Variants in CARNMT1 observed in about 807,000 individuals in gnomAD.
The protein encoded by CARNMT1 is carnosine N-methyltransferase 1, also known as protein-L-histidine N-pros-methyltransferase CARNMT1.
In CARNMT1, 28 loss-of-function variants were observed where a neutral mutation model predicts 49.6. The ratio of observed to expected loss-of-function variants is 0.56; its 90% CI spans 0.42 to 0.77. CARNMT1 has a LOEUF of 0.77. Ranked by LOEUF, CARNMT1 falls within the 30% of genes least tolerant of loss-of-function variation. CARNMT1 has a pLI of 0.00. For synonymous variants in CARNMT1, 178 were observed against 175.0 expected (o/e 1.02, Z -0.13); for missense variants, 421 against 512.6 (o/e 0.82, Z 1.73).
chr9:75,009,764 C>G (rs1277723032), intron 3 of CARNMT1: 1 of 151,162 alleles, frequency 6.6e-6, no homozygotes, highest in South Asian at 2.1e-4. Context: ...ACTTTATTGT[C>G]TACTATTCCT....
rs1262676052 is a variant in CARNMT1 at position 75,028,253 on chromosome 9, C to A, written c.-12G>T. The A allele has an allele frequency of 7.3e-7, 1 of 1,368,972 alleles. No homozygotes were observed. Among genetic ancestry groups the A allele is most frequent in the Non-Finnish European group, 9.4e-7 (1 of 1,064,970 alleles). The allele number at this position is 1,368,972 out of a possible 1,614,324, so 84.8% of individuals were successfully genotyped here. A position where few individuals can be genotyped will look rare whatever the true frequency, so the allele number is the denominator to read the frequency against. ...CGCCGTCGCTGCATCGCCGCCGCGG[C>A]CCTCGGCCTGGCTCGCTTGCGTCTC... is the stretch of plus-strand genomic sequence containing the variant. On this transcript the variant is annotated 5_prime_UTR_variant, in exon 1 of 8. Coordinates refer to ENST00000376834, the MANE Select transcript of CARNMT1 (RefSeq NM_152420.3).
rs1206396270 is a variant in CARNMT1, at chr9:75,024,538, C to G, written c.230+3474G>C. On this transcript the variant is annotated intron_variant, in intron 1 of 7. Coordinates refer to ENST00000376834, the MANE Select transcript of CARNMT1 (RefSeq NM_152420.3). ...CTGAGGTGCTTCATTCGTAACAAGA[C>G]TGGGTTATAAAACTAACATTTTTGC... Among the ~76,000 whole-genome samples the G allele has an allele frequency of 2.0e-5, 3 of 152,192 alleles. No homozygotes were observed. The East Asian group carries it at 5.8e-4, about 29-fold the overall frequency.
chr9:74,995,182 T>C (rs760925298), intron 6 of CARNMT1, among the ~76,000 whole-genome samples: 2 of 152,208 alleles, frequency 1.3e-5, no homozygotes, highest in Non-Finnish European at 2.9e-5. Context: ...GTCATGTTAA[T>C]GCTAACTTAC....
rs1433430765 is a variant in CARNMT1, at chr9:74,981,079, A to C, written c.*2688T>G. The stretch of plus-strand genomic sequence containing the variant: ...AAAATTAATTTCATCATACACATTA[A>C]AAATATAGGAAATTTCATGCAGACA... On this transcript the variant is annotated 3_prime_UTR_variant, in exon 8 of 8. Coordinates refer to ENST00000376834, the MANE Select transcript of CARNMT1 (RefSeq NM_152420.3). 2 of 152,172 alleles carry C rather than the reference A, an allele frequency of 1.3e-5. No homozygotes were observed. The highest frequency in any genetic ancestry group is 2.9e-5 in the Non-Finnish European group (2 of 67,982). 9.4% of individuals were successfully genotyped at this position (152,172 alleles called of 1,614,324 possible).
chr9:74,987,582 T>C (rs1227180211), intron 6 of CARNMT1, among the ~76,000 whole-genome samples: 1 of 152,066 alleles, frequency 6.6e-6, no homozygotes, highest in African/African-American at 2.4e-5. Flanking sequence ...GGGAAAACTA[T>C]AGTAACAGAA....
intron 3 of CARNMT1, among the ~76,000 whole-genome samples, chr9:75,014,442 T>C (rs1387948041): frequency 3.3e-5 from 5 of 152,126 alleles, no homozygotes; most frequent in African/African-American, 1.2e-4. Context: ...CCACAGTAAA[T>C]TATGAAACTT....
In CARNMT1 at chr9:74,997,088, T is replaced by C. The variant is rs747856877; in HGVS notation, c.911-528A>G. 6.8e-4 allele frequency among the ~76,000 whole-genome samples: 103 copies of C among 152,226 alleles called. 1 individual carries two copies. Among genetic ancestry groups the C allele is most frequent in the Non-Finnish European group, 5.7e-4 (39 of 68,016 alleles). On this transcript the variant is annotated intron_variant, in intron 5 of 7. Transcript: ENST00000376834. ...GCAGAAGCAGTGGGTGGGAACCCAGTAGAGAACACCGTTTGCCTCTAGGAG... is the reference window on the plus strand; with the variant it reads ...GCAGAAGCAGTGGGTGGGAACCCAGCAGAGAACACCGTTTGCCTCTAGGAG...
In CARNMT1 at chr9:75,028,210, G is replaced by T. The variant is rs1587320854; in HGVS notation, c.32C>A (p.Thr11Asn). The T allele has an allele frequency of 7.0e-7, 1 of 1,436,294 alleles. No individual in the cohort carries two copies. The allele number at this position is 1,436,294 out of a possible 1,614,324, so 89.0% of individuals were successfully genotyped here. The part of the protein sequence containing the change: MQRRRRPPPP[T>N]SRLPEGCGGG... ...CCCGCAGCCCTCGGGCAGCCGGGAG[G>T]TGGGCGGCGGAGGGCGACGCCGTCG... Residue 11 changes from threonine (T) to asparagine (N), a missense_variant, in exon 1 of 8, where the codon ACC (threonine) becomes AAC (asparagine). By Grantham distance (65) the Thr-to-Asn change is moderately conservative (BLOSUM62 0). This residue lies in a region of CARNMT1 where 186 missense variants were observed against 167.9 expected (regional missense o/e 1.11). Transcript: ENST00000376834.
intron 3 of CARNMT1, chr9:75,010,128 T>C (rs1833643526): frequency 6.8e-6 from 1 of 146,204 alleles, no homozygotes; most frequent in Non-Finnish European, 1.5e-5. Flanking sequence ...TCTTTTTTTT[T>C]TTTTTTTTTT....
intron 7 of CARNMT1, 46 bp downstream of exon 7, chr9:74,984,861 G>A (rs753204246): frequency 7.4e-6 from 9 of 1,221,926 alleles, no homozygotes; most frequent in African/African-American, 3.0e-5. Context: ...CTTCTGTTGA[G>A]GTGCTTTGGG....
chr9:74,984,958 C>G lies in CARNMT1; in HGVS notation c.1077G>C (p.Leu359Phe). 1.2e-6 allele frequency: 2 copies of G among 1,613,850 alleles called. No individual in the cohort carries two copies. Among genetic ancestry groups the G allele is most frequent in the Non-Finnish European group, 8.5e-7 (1 of 1,179,902 alleles). ...CAACGTTTTTTATATCCTCATAGCT[C>G]AATTCTATGGAAAGTTCATTTGCCA... is the stretch of plus-strand genomic sequence containing the variant. ...ENLANELSIE[L>F]SYEDIKNVVL... The change falls in exon 7 of 8, where the codon TTG becomes TTC. Residue 359 changes from leucine (L) to phenylalanine (F), a missense_variant. By Grantham distance (22) the Leu-to-Phe change is conservative (BLOSUM62 0). Coordinates refer to ENST00000376834, the MANE Select transcript of CARNMT1 (RefSeq NM_152420.3).
At chr9:75,023,741 T>C (rs1259549037) in intron 1 of CARNMT1, among the ~76,000 whole-genome samples, 3 of 152,244 alleles carry the variant, frequency 2.0e-5, no homozygotes, top group Admixed American at 6.5e-5. Context: ...ACAGTCTTAT[T>C]GGTACAAAGC....
chr9:75,000,163 C>A (rs1339485990), intron 3 of CARNMT1, among the ~76,000 whole-genome samples: 1 of 152,042 alleles, frequency 6.6e-6, no homozygotes, highest in Non-Finnish European at 1.5e-5. Context: ...TAGCTGTCAC[C>A]CTGAACAACT....
intron 6 of CARNMT1, among the ~76,000 whole-genome samples, chr9:74,992,209 T>A (rs565791591): frequency 3.9e-5 from 6 of 151,946 alleles, no homozygotes; most frequent in African/African-American, 1.4e-4. Flanking sequence ...GAGACAGAGG[T>A]TGCAGTGAGC....
At chr9:74,989,734 C>T (rs573654828) in intron 6 of CARNMT1, among the ~76,000 whole-genome samples, 1 of 152,230 alleles carries the variant, frequency 6.6e-6, no homozygotes, top group East Asian at 1.9e-4. Context: ...CAACCCAGGC[C>T]TTAAGAAATC....
At chr9:75,027,249 G>C (rs1423637657) in intron 1 of CARNMT1, 2 of 876,480 alleles carry the variant, frequency 2.3e-6, no homozygotes, top group Admixed American at 2.8e-5. Flanking sequence ...GTGGAAGTTA[G>C]GGAGCTGTTT....
In CARNMT1 at chr9:74,981,811, T is replaced by G. The variant is rs1414526921; in HGVS notation, c.*1956A>C. On this transcript the variant is annotated 3_prime_UTR_variant, in exon 8 of 8. Transcript: ENST00000376834. ...CTAGTCAGTGAATAAAAAGCATGTCTAAGCCATTGAAAAACAGCATGCATT... is the reference window on the plus strand; with the variant it reads ...CTAGTCAGTGAATAAAAAGCATGTCGAAGCCATTGAAAAACAGCATGCATT... 6.6e-6 allele frequency: 1 copy of G among 152,090 alleles called. No individual in the cohort carries two copies. The highest frequency in any genetic ancestry group is 1.9e-4 in the East Asian group (1 of 5,194). The allele number at this position is 152,090 out of a possible 1,614,324, so 9.4% of individuals were successfully genotyped here. A position where few individuals can be genotyped will look rare whatever the true frequency, so the allele number is the denominator to read the frequency against.
At chr9:75,019,559 G>A (rs960309720) in intron 1 of CARNMT1, among the ~76,000 whole-genome samples, 1 of 152,180 alleles carries the variant, frequency 6.6e-6, no homozygotes, top group Non-Finnish European at 1.5e-5. Context: ...TCTGAGGGCT[G>A]CTACCTAGGA....
At chr9:75,016,916 CTG>C (rs1833873239) in intron 2 of CARNMT1, 2 of 366,130 alleles carry the variant, frequency 5.5e-6, no homozygotes, top group Non-Finnish European at 9.7e-6. Flanking sequence ...ATACAAGACA[CTG>C]AAAAAATATG....
Sources: allele counts gnomAD v4.1 joint callset (sites outside exome capture counted in the v4.1 genomes callset), GRCh38; gene constraint gnomAD v4.1.1; regional missense constraint gnomAD v4.1.1; transcripts MANE v1.5; gene names NCBI Gene and HGNC (gene_info 2026-07-23, HGNC 2026-07-21).